Variants in CEP162 observed in about 807,000 individuals in gnomAD.
The protein encoded by CEP162 is centrosomal protein of 162 kDa.
A neutral mutation model predicts 169.2 loss-of-function variants in CEP162; 141 were observed. The ratio of observed to expected loss-of-function variants is 0.83; its 90% CI spans 0.73 to 0.96. CEP162 has a LOEUF of 0.96. Among genes scored for constraint, CEP162 ranks in the 40% least tolerant of loss-of-function variants. CEP162 has a pLI of 0.00. For synonymous variants in CEP162, 540 were observed against 526.4 expected (o/e 1.03, Z -0.35); for missense variants, 1,600 against 1,587.2 (o/e 1.01, Z -0.14).
At chr6:84,173,428 C>T (rs957654753) in intron 16 of CEP162, among the ~76,000 whole-genome samples, 2 of 152,108 alleles carry the variant, frequency 1.3e-5, no homozygotes, top group African/African-American at 4.8e-5. Flanking sequence ...TTAAGTCAAA[C>T]CAGTGGAAGT....
rs1482352897 is a variant in CEP162 at position 84,219,470 on chromosome 6, T to A, written c.172+1587A>T. Among the ~76,000 whole-genome samples the A allele has an allele frequency of 2.0e-5, 3 of 152,234 alleles. No homozygotes were observed. The East Asian group carries it at 5.8e-4, about 29-fold the overall frequency. ...TCTTTTCCTGTAGGATTAGGTTGTA[T>A]ATATCTGCTCTGATTCATTATCTTC... On this transcript the variant is annotated intron_variant, in intron 3 of 26. Coordinates refer to ENST00000403245, the MANE Select transcript of CEP162 (RefSeq NM_014895.4).
chr6:84,157,339 A>G (rs769310423), intron 21 of CEP162, among the ~76,000 whole-genome samples: 3 of 152,170 alleles, frequency 2.0e-5, no homozygotes, highest in Non-Finnish European at 2.9e-5. Context: ...CTAATTACCT[A>G]TGGGTTTATT....
intron 11 of CEP162, among the ~76,000 whole-genome samples, chr6:84,188,560 C>T (rs2099538270): frequency 6.6e-6 from 1 of 152,148 alleles, no homozygotes; most frequent in South Asian, 2.1e-4. Context: ...AAGAACGTGA[C>T]CTCATTCGTT....
At chr6:84,218,718 CAATT>C (rs1588894767) in intron 3 of CEP162, among the ~76,000 whole-genome samples, 1 of 152,118 alleles carries the variant, frequency 6.6e-6, no homozygotes, top group African/African-American at 2.4e-5. Context: ...GGCTAAGAAT[CAATT>C]TATTTTATGC....
chr6:84,181,680 A>G (rs1287221345), intron 13 of CEP162, among the ~76,000 whole-genome samples: 5 of 152,166 alleles, frequency 3.3e-5, no homozygotes, highest in South Asian at 2.1e-4. Flanking sequence ...TAATTCTACA[A>G]TAGAGAAACT....
rs1588746630 is a variant in CEP162, at chr6:84,155,419, T to C, written c.2873A>G (p.Asp958Gly). The change falls in exon 22 of 27, where the codon GAT (aspartate) becomes GGT (glycine). Residue 958 changes from aspartate to glycine, a missense_variant. Transcript: ENST00000403245. The stretch of plus-strand genomic sequence containing the variant: ...CTCCATAAATTCCACTGTATTTTTA[T>C]CCACTGTATCACCAGCTGCTGATGC... Reference protein sequence around the residue: ...LAASAAGDTVDKNTVEFMEKR... With the variant: ...LAASAAGDTVGKNTVEFMEKR... 6 of 1,613,498 alleles carry C rather than the reference T, an allele frequency of 3.7e-6. No individual in the cohort carries two copies. Among genetic ancestry groups the C allele is most frequent in the Non-Finnish European group, 5.1e-6 (6 of 1,179,530 alleles).
chr6:84,164,124 G>C (rs1277502631), intron 18 of CEP162, among the ~76,000 whole-genome samples: 1 of 151,886 alleles, frequency 6.6e-6, no homozygotes, highest in African/African-American at 2.4e-5. Context: ...TGGTCATAGA[G>C]AAATGCAAAT....
intron 11 of CEP162, among the ~76,000 whole-genome samples, chr6:84,188,602 T>C (rs921688698): frequency 2.0e-5 from 3 of 152,224 alleles, no homozygotes; most frequent in African/African-American, 4.8e-5. Context: ...ATGGTGTACA[T>C]GTATCACACT....
At chr6:84,201,005 G>C (rs554780297) in intron 8 of CEP162, 100 bp from the exon 9 acceptor site, 17 of 672,936 alleles carry the variant, frequency 2.5e-5, no homozygotes, top group Middle Eastern at 4.1e-4. Flanking sequence ...CAGGCCGGGC[G>C]CGGTGGCTCA....
At chr6:84,131,678 T>C (rs1179614748) in intron 25 of CEP162, among the ~76,000 whole-genome samples, 5 of 152,014 alleles carry the variant, frequency 3.3e-5, no homozygotes, top group African/African-American at 9.7e-5. Context: ...TTTTTTTGTT[T>C]TGTTTTCCAT....
At chr6:84,149,454 A>C (rs913722447) in intron 24 of CEP162, 108 bp downstream of exon 24, 25 of 803,032 alleles carry the variant, frequency 3.1e-5, no homozygotes, top group Non-Finnish European at 4.4e-5. Context: ...TTCTATCACC[A>C]AGCTGAAAAA....
intron 3 of CEP162, among the ~76,000 whole-genome samples, chr6:84,220,678 C>G (rs1415673530): frequency 6.6e-6 from 1 of 152,024 alleles, no homozygotes; most frequent in Non-Finnish European, 1.5e-5. Flanking sequence ...CATTAACAAA[C>G]TGTGATACCA....
At position 84,155,483 on chromosome 6, in the gene CEP162, T is replaced by C. The variant is rs1253489167; in HGVS notation, c.2809A>G (p.Arg937Gly). The C allele has an allele frequency of 6.2e-7, 1 of 1,611,294 alleles. No homozygotes were observed. The change falls in exon 22 of 27, where the codon AGA becomes GGA. Residue 937 changes from arginine to glycine, a missense_variant. Transcript: ENST00000403245. Reference sequence around the variant, plus strand: ...GCAGGTAAAGAATTGGGATATCTTCTCTTCAGAATCCCTTCCATTTCCTTA... The same window carrying C: ...GCAGGTAAAGAATTGGGATATCTTCCCTTCAGAATCCCTTCCATTTCCTTA... ...QVKEMEGILK[R>G]RYPNSLPALI...
At chr6:84,187,685 C>T (rs904544957) in intron 11 of CEP162, among the ~76,000 whole-genome samples, 2 of 152,100 alleles carry the variant, frequency 1.3e-5, no homozygotes, top group African/African-American at 4.8e-5. Context: ...AAACTGATAA[C>T]TAGAGTCTGG....
intron 6 of CEP162, among the ~76,000 whole-genome samples, chr6:84,204,344 C>G (rs1487340205): frequency 1.3e-5 from 2 of 152,136 alleles, no homozygotes; most frequent in Non-Finnish European, 2.9e-5. Flanking sequence ...CACTCCTCGG[C>G]AAATGTAAAA....
intron 8 of CEP162, 96 bp from the exon 9 acceptor site, chr6:84,201,001 G>C (rs1239910822): frequency 2.9e-6 from 2 of 699,622 alleles, no homozygotes; most frequent in Admixed American, 2.2e-5. Context: ...AATGCAGGCC[G>C]GGCGCGGTGG....
chr6:84,190,401 A>C (rs1038688287), intron 11 of CEP162, among the ~76,000 whole-genome samples: 6 of 152,166 alleles, frequency 3.9e-5, no homozygotes, highest in Non-Finnish European at 7.3e-5. Context: ...CAGCATTGGC[A>C]ACCTGCTCGG....
intron 13 of CEP162, among the ~76,000 whole-genome samples, chr6:84,184,608 A>C (rs997923000): frequency 2.0e-5 from 3 of 151,988 alleles, no homozygotes; most frequent in Non-Finnish European, 4.4e-5. Flanking sequence ...GATTCTTCCA[A>C]CCTCACTCTG....
chr6:84,172,914 A>G (rs1242488640), intron 16 of CEP162, among the ~76,000 whole-genome samples: 2 of 152,236 alleles, frequency 1.3e-5, no homozygotes, highest in Non-Finnish European at 1.5e-5. Flanking sequence ...GTTGATTTGA[A>G]GATAACTAAA....
Sources: allele counts gnomAD v4.1 joint callset (sites outside exome capture counted in the v4.1 genomes callset), GRCh38; gene constraint gnomAD v4.1.1; transcripts MANE v1.5; gene names NCBI Gene and HGNC (gene_info 2026-07-23, HGNC 2026-07-21).